Variants in SUGCT observed in about 807,000 individuals in gnomAD.
SUGCT encodes the protein succinyl-CoA:glutarate CoA-transferase.
SUGCT carries 41 observed loss-of-function variants against 55.0 expected under a neutral mutation model. That is an observed-to-expected ratio of 0.74 (90% CI 0.58 to 0.97). The LOEUF (loss-of-function observed/expected upper bound fraction) is 0.97, where lower values mean the gene tolerates loss of function less well. Among genes scored for constraint, SUGCT ranks in the 50% least tolerant of loss-of-function variants. The pLI is 0.00. For missense variants in SUGCT, 568 were observed against 547.8 expected, an observed-to-expected ratio of 1.04 and a Z score of -0.37; for synonymous variants, 187 against 200.4, an observed-to-expected ratio of 0.93 and a Z score of 0.56.
intron 9 of SUGCT, among the ~76,000 whole-genome samples, chr7:40,393,069 C>T (rs907422081): frequency 9.2e-5 from 14 of 152,074 alleles, no homozygotes; most frequent in South Asian, 2.1e-4. Context: ...CTGATCTTGT[C>T]GGCAGAGATT....
At chr7:40,907,140 TGA>T in the SUGCT span, among the ~76,000 whole-genome samples, 196 of 29,172 alleles carry the variant, frequency 6.7e-3, 2 homozygotes, top group African/African-American at 0.015. Flanking sequence ...TGTGTGTGTG[TGA>T]GAGAGAGAGA....
chr7:40,273,585 A>T (rs1033677184), intron 7 of SUGCT, among the ~76,000 whole-genome samples: 2 of 152,218 alleles, frequency 1.3e-5, no homozygotes, highest in Admixed American at 6.5e-5. Flanking sequence ...ATCTTTACAT[A>T]TGGGCCAAGG....
chr7:40,242,933 ATTTTT>A (rs70996894), intron 7 of SUGCT, among the ~76,000 whole-genome samples: 17 of 17,184 alleles, frequency 9.9e-4, no homozygotes, highest in African/African-American at 2.0e-3. Flanking sequence ...ATATATATAT[ATTTTT>A]TTTTTTTTTT....
intron 12 of SUGCT, among the ~76,000 whole-genome samples, chr7:40,607,255 C>A: frequency 6.6e-6 from 1 of 152,074 alleles, no homozygotes; most frequent in East Asian, 1.9e-4. Context: ...AGGAATGCAC[C>A]ACCACACTCA....
chr7:40,599,886 G>C lies in SUGCT; in HGVS notation c.1089+103500G>C, dbSNP rs535155658. ...ACTGGTCTCAGCATTCAAAGAACCG[G>C]CACCATGTGCTCTGGAAGCCCTTCC... On this transcript the variant is annotated intron_variant, in intron 12 of 13. Transcript: ENST00000335693. Among the ~76,000 whole-genome samples the C allele has an allele frequency of 9.8e-4, 149 of 152,206 alleles. 1 individual carries two copies. The highest frequency in any genetic ancestry group is 3.4e-3 in the African/African-American group (142 of 41,534).
chr7:40,665,551 T>A (rs1801582250), intron 12 of SUGCT, among the ~76,000 whole-genome samples: 1 of 152,106 alleles, frequency 6.6e-6, no homozygotes, highest in Non-Finnish European at 1.5e-5. Context: ...AACACCGTTT[T>A]AAGAAGAAGG....
chr7:40,663,256 T>G (rs966240828), intron 12 of SUGCT, among the ~76,000 whole-genome samples: 2 of 152,096 alleles, frequency 1.3e-5, no homozygotes, highest in African/African-American at 4.8e-5. Flanking sequence ...AATAGCTATT[T>G]TAACTTTTTC....
intron 1 of SUGCT, chr7:40,153,991 C>T (rs868066868): frequency 1.5e-5 from 4 of 268,700 alleles, no homozygotes; most frequent in East Asian, 9.4e-5. Context: ...ACTCAGGACG[C>T]GAAATGCTTT....
intron 6 of SUGCT, among the ~76,000 whole-genome samples, chr7:40,204,274 AG>A (rs1436055739): frequency 6.7e-6 from 1 of 149,306 alleles, no homozygotes; most frequent in East Asian, 2.0e-4. Context: ...TACAGGCATG[AG>A]CCAGCCACTG....
intron 13 of SUGCT, among the ~76,000 whole-genome samples, chr7:40,791,933 G>T (rs1386650389): frequency 2.0e-5 from 3 of 151,962 alleles, no homozygotes; most frequent in Non-Finnish European, 2.9e-5. Flanking sequence ...TCCCTCTTTT[G>T]TTGGTCTAGC....
At chr7:40,252,615 G>A (rs1180523935) in intron 7 of SUGCT, among the ~76,000 whole-genome samples, 2 of 151,994 alleles carry the variant, frequency 1.3e-5, no homozygotes, top group African/African-American at 4.8e-5. Flanking sequence ...TGACTCTCAG[G>A]AATATGGTAT....
intron 1 of SUGCT, among the ~76,000 whole-genome samples, chr7:40,179,119 G>C (rs1312953580): frequency 6.6e-6 from 1 of 152,078 alleles, no homozygotes; most frequent in East Asian, 1.9e-4. Context: ...TTTTGAGCAG[G>C]GAAGGATATT....
intron 7 of SUGCT, among the ~76,000 whole-genome samples, chr7:40,268,507 A>G (rs1325596280): frequency 6.6e-6 from 1 of 152,102 alleles, no homozygotes; most frequent in Non-Finnish European, 1.5e-5. Flanking sequence ...AAAATATCCT[A>G]CCATATGGCT....
At chr7:40,336,120 G>T (rs185121392) in intron 9 of SUGCT, among the ~76,000 whole-genome samples, 1,776 of 152,172 alleles carry the variant, frequency 0.012, 21 homozygotes, top group Middle Eastern at 0.027. Context: ...GGTGGATAAG[G>T]TTTTTGATGT....
intron 12 of SUGCT, among the ~76,000 whole-genome samples, chr7:40,648,097 A>C (rs2151835063): frequency 6.6e-6 from 1 of 152,348 alleles, no homozygotes; most frequent in African/African-American, 2.4e-5. Context: ...AAGCGTTTTA[A>C]CTGTAATAAA....
intron 13 of SUGCT, among the ~76,000 whole-genome samples, chr7:40,838,238 C>G (rs373819666): frequency 6.6e-6 from 1 of 152,108 alleles, no homozygotes; most frequent in Non-Finnish European, 1.5e-5. Flanking sequence ...ATTACAAATC[C>G]TATGTCTTTT....
chr7:40,415,432 T>A (rs1236994170), intron 9 of SUGCT, among the ~76,000 whole-genome samples: 1 of 151,686 alleles, frequency 6.6e-6, no homozygotes, highest in Non-Finnish European at 1.5e-5. Context: ...TTTTTTTTTT[T>A]ACTAATATGT....
intron 12 of SUGCT, among the ~76,000 whole-genome samples, chr7:40,562,812 T>C (rs1795915677): frequency 6.6e-6 from 1 of 152,144 alleles, no homozygotes; most frequent in African/African-American, 2.4e-5. Context: ...CTATGCAAAC[T>C]GGGGGCACGG....
chr7:40,514,231 A>G (rs1425089500), intron 12 of SUGCT, among the ~76,000 whole-genome samples: 1 of 152,036 alleles, frequency 6.6e-6, no homozygotes, highest in African/African-American at 2.4e-5. Flanking sequence ...TGGGCTTCAC[A>G]GTCCTGATGT....
Sources: allele counts gnomAD v4.1 joint callset (sites outside exome capture counted in the v4.1 genomes callset), GRCh38; gene constraint gnomAD v4.1.1; transcripts MANE v1.5; gene names NCBI Gene and HGNC (gene_info 2026-07-23, HGNC 2026-07-21).